The following PLEKHA6 variants were observed in gnomAD, a reference collection of about 807,000 sequenced individuals.
PLEKHA6 encodes pleckstrin homology domain-containing family A member 6.
In PLEKHA6, 60 loss-of-function variants were observed where a neutral mutation model predicts 116.7. The ratio of observed to expected loss-of-function variants is 0.51; its 90% CI spans 0.42 to 0.64. The LOEUF (loss-of-function observed/expected upper bound fraction) is 0.64. Ranked by LOEUF, PLEKHA6 falls within the 30% of genes least tolerant of loss-of-function variation. The probability of loss-of-function intolerance (pLI) is 0.00; values close to 1 mark genes in which losing one functional copy is unlikely to be tolerated. For missense variants in PLEKHA6, 1,338 were observed against 1,422.7 expected (o/e 0.94, Z 0.96); for synonymous variants, 489 against 556.1 (o/e 0.88, Z 1.70).
Position 204,257,646 on chromosome 1 carries a change from C to T in PLEKHA6, c.1231G>A (p.Glu411Lys). 2 of 1,610,190 alleles carry T rather than the reference C, an allele frequency of 1.2e-6. No individual in the cohort carries two copies. The highest frequency in any genetic ancestry group is 1.3e-5 in the African/African-American group (1 of 74,976). Residue 411 changes from glutamate (E) to lysine (K), a missense_variant, in exon 9 of 23, where the codon GAG becomes AAG. Physicochemically the swap from Glu to Lys is moderately conservative, Grantham distance 56. Coordinates refer to ENST00000272203, the MANE Select transcript of PLEKHA6 (RefSeq NM_014935.5). This position sits in a 1 kb window ranked among gnomAD's most constrained non-coding sequence, Gnocchi z 6.5. Reference sequence around the variant, plus strand: ...TCCTGCCGCCCGTAGCTGGCGGGCTCCTTCCACTCTCGCAGCTGGTAGGCA... The same window carrying T: ...TCCTGCCGCCCGTAGCTGGCGGGCTTCTTCCACTCTCGCAGCTGGTAGGCA... ...GPAYQLREWK[E>K]PASYGRQDAT...
intron 1 of PLEKHA6, among the ~76,000 whole-genome samples, chr1:204,331,393 C>G (rs1021447614): frequency 6.6e-6 from 1 of 152,010 alleles, no homozygotes; most frequent in Admixed American, 6.6e-5. Flanking sequence ...ATGCTGCAGC[C>G]CAGCCCAGCC....
chr1:204,314,813 A>G (rs1218885436), intron 1 of PLEKHA6, among the ~76,000 whole-genome samples: 1 of 150,844 alleles, frequency 6.6e-6, no homozygotes, highest in Non-Finnish European at 1.5e-5. Flanking sequence ...AGCTTTTCAC[A>G]GGGACAGCAT....
At chr1:204,309,608 G>A (rs534718084) in intron 1 of PLEKHA6, 39 of 314,428 alleles carry the variant, frequency 1.2e-4, no homozygotes, top group Non-Finnish European at 1.8e-4. Context: ...TGTCATGTTC[G>A]CATGACAACA....
chr1:204,291,703 A>G (rs919388386), intron 1 of PLEKHA6, among the ~76,000 whole-genome samples: 3 of 152,232 alleles, frequency 2.0e-5, no homozygotes, highest in Admixed American at 6.5e-5. Context: ...TTATGATTCC[A>G]TTATATAAAA....
At chr1:204,326,323 G>T (rs544035288) in intron 1 of PLEKHA6, among the ~76,000 whole-genome samples, 1 of 152,238 alleles carries the variant, frequency 6.6e-6, no homozygotes, top group East Asian at 1.9e-4. Flanking sequence ...GCCAACACAC[G>T]GTCACGTCTT....
intron 1 of PLEKHA6, among the ~76,000 whole-genome samples, chr1:204,345,598 G>A (rs4245732): frequency 0.58 from 88,260 of 151,808 alleles, 27,302 homozygotes; most frequent in East Asian, 0.82. Context: ...CTCCCCCAGC[G>A]CCCACGTGCA....
At chr1:204,284,830 C>T (rs1668993764) in intron 1 of PLEKHA6, among the ~76,000 whole-genome samples, 1 of 152,140 alleles carries the variant, frequency 6.6e-6, no homozygotes, top group Admixed American at 6.5e-5. Context: ...AGTTTCCCCA[C>T]CTGCAACATG....
chr1:204,338,402 TC>T (rs1254816013), intron 1 of PLEKHA6, among the ~76,000 whole-genome samples: 3 of 152,038 alleles, frequency 2.0e-5, no homozygotes, highest in African/African-American at 7.2e-5. Context: ...CTTCCCACCA[TC>T]CCCCGCTCCA....
intron 17 of PLEKHA6, among the ~76,000 whole-genome samples, chr1:204,233,100 G>A (rs535072941): frequency 6.6e-6 from 1 of 151,852 alleles, no homozygotes; most frequent in African/African-American, 2.4e-5. Context: ...ACCACCCCTG[G>A]CCAGGAATGA....
Position 204,257,999 on chromosome 1 carries a change from C to A in PLEKHA6, c.1008-130G>T, listed in dbSNP as rs1345970125. ...AGGTACACAGGGGCTGAGGTTTATT[C>A]CAGAGATGAGGGAAAGACTCCTGTC... On this transcript the variant is annotated intron_variant, in intron 8 of 22. Coordinates refer to ENST00000272203, the MANE Select transcript of PLEKHA6 (RefSeq NM_014935.5). This position sits in a 1 kb window ranked among gnomAD's most constrained non-coding sequence, Gnocchi z 6.5. 16 of 766,710 alleles carry A rather than the reference C, an allele frequency of 2.1e-5. No homozygotes were observed. In the African/African-American group the frequency reaches 2.4e-4, roughly 12 times the overall value. 47.5% of individuals were successfully genotyped at this position (766,710 alleles called of 1,614,324 possible).
At chr1:204,301,611 TG>T in intron 1 of PLEKHA6, 1 of 283,076 alleles carries the variant, frequency 3.5e-6, no homozygotes, top group Non-Finnish European at 5.3e-6. Context: ...GACAGAGCTG[TG>T]GGGGAAACAG....
In PLEKHA6 at chr1:204,245,642, G is replaced by T. The variant is rs377093823; in HGVS notation, c.2005C>A (p.Arg669=). ...MEGLRKNNPS[R]GTDTAKHRGG... is the part of the protein sequence containing the mutation. ...CTGTGCTTGGCGGTGTCCGTGCCCCGGGAGGGGTTGTTCTTCCTCAGCCCC... is the reference window on the plus strand; with the variant it reads ...CTGTGCTTGGCGGTGTCCGTGCCCCTGGAGGGGTTGTTCTTCCTCAGCCCC... Residue 669 remains arginine, a synonymous_variant, in exon 14 of 23, where the codon CGG becomes AGG. Transcript: ENST00000272203. The T allele has an allele frequency of 3.1e-6, 5 of 1,612,298 alleles. No individual in the cohort carries two copies. The South Asian group carries it at 5.5e-5, about 18-fold the overall frequency.
At position 204,229,049 on chromosome 1, in the gene PLEKHA6, A is replaced by G; in HGVS notation, c.2639T>C (p.Leu880Pro). Residue 880 changes from leucine to proline, a missense_variant, in exon 19 of 23, where the codon CTG becomes CCG. This residue lies in a region of PLEKHA6 where 1,136 missense variants were observed against 1,163.6 expected (regional missense o/e 0.98). Transcript: ENST00000272203. ...EVDISNLEAA[L>P]RAEEPGGHAY... ...ATGCCCGCCAGGCTCCTCTGCCCGC[A>G]GGGCTGCCTCCAGGTTGGAGATGTC... The G allele has an allele frequency of 6.2e-7, 1 of 1,614,066 alleles. No individual in the cohort carries two copies. Among genetic ancestry groups the G allele is most frequent in the Non-Finnish European group, 8.5e-7 (1 of 1,179,996 alleles).
In PLEKHA6 at chr1:204,244,135, T is replaced by A. The variant is rs565413669; in HGVS notation, c.2172+729A>T. Reference sequence around the variant, plus strand: ...CACGCCCAGCCTCTTTCTTTTATTTTTTATTATTATTTTTTGAGATGGAGT... The same window carrying A: ...CACGCCCAGCCTCTTTCTTTTATTTATTATTATTATTTTTTGAGATGGAGT... On this transcript the variant is annotated intron_variant, in intron 15 of 22. Transcript: ENST00000272203. Among the ~76,000 whole-genome samples, 73 of 152,036 alleles carry A rather than the reference T, an allele frequency of 4.8e-4. 2 individuals are homozygous for A. The South Asian group carries it at 0.013, about 28-fold the overall frequency.
chr1:204,230,385 C>T lies in PLEKHA6; in HGVS notation c.2583+28G>A, dbSNP rs144528207. Reference sequence around the variant, plus strand: ...GCAGTGTTGGCAGATGCCAGGCTCACGCCTGTGGGTAGCTGGGAAGGCATT... The same window carrying T: ...GCAGTGTTGGCAGATGCCAGGCTCATGCCTGTGGGTAGCTGGGAAGGCATT... On this transcript the variant is annotated intron_variant, in intron 18 of 22. Coordinates refer to ENST00000272203, the MANE Select transcript of PLEKHA6 (RefSeq NM_014935.5). 1.3e-3 allele frequency: 1,960 copies of T among 1,532,674 alleles called. 5 individuals are homozygous for T. Among genetic ancestry groups the T allele is most frequent in the Middle Eastern group, 2.1e-3 (9 of 4,302 alleles). 94.9% of individuals were successfully genotyped at this position (1,532,674 alleles called of 1,614,324 possible).
intron 15 of PLEKHA6, 26 bp downstream of exon 15, chr1:204,244,838 A>G: frequency 6.5e-7 from 1 of 1,528,678 alleles, no homozygotes; most frequent in Admixed American, 2.0e-5. Context: ...TCCCCCACCT[A>G]CCTTCTACTC....
chr1:204,262,463 C>A (rs931268480), intron 6 of PLEKHA6, among the ~76,000 whole-genome samples: 1 of 152,176 alleles, frequency 6.6e-6, no homozygotes, highest in African/African-American at 2.4e-5. Flanking sequence ...CCTCAGCACA[C>A]TTCCCAGTGA....
chr1:204,237,142 G>C (rs4951322), intron 17 of PLEKHA6, among the ~76,000 whole-genome samples: 50,069 of 151,928 alleles, frequency 0.33, 8,774 homozygotes, highest in East Asian at 0.5. Context: ...ATGGAGGTCA[G>C]GTAATTAATG....
At chr1:204,230,946 G>T (rs1320879734) in intron 17 of PLEKHA6, among the ~76,000 whole-genome samples, 1 of 152,182 alleles carries the variant, frequency 6.6e-6, no homozygotes, top group African/African-American at 2.4e-5. Flanking sequence ...AGTTTGGAGA[G>T]AAACCTACAA....
Sources: allele counts gnomAD v4.1 joint callset (sites outside exome capture counted in the v4.1 genomes callset), GRCh38; gene constraint gnomAD v4.1.1; regional missense constraint gnomAD v4.1.1; non-coding constraint Gnocchi (gnomAD v3.1); transcripts MANE v1.5; gene names NCBI Gene and HGNC (gene_info 2026-07-23, HGNC 2026-07-21).